The following CMKLR2 variants were observed in gnomAD, a reference collection of about 807,000 sequenced individuals.
CMKLR2 encodes chemerin-like receptor 2.
Under a neutral mutation model 23.0 loss-of-function variants are expected in CMKLR2, and 18 were observed. The observed-to-expected ratio is 0.78, with a 90% CI of 0.54 to 1.16. The LOEUF is 1.16. Ranked by LOEUF, CMKLR2 falls within the 50% of genes most tolerant of loss-of-function variation. CMKLR2 has a pLI of 0.00. For missense variants in CMKLR2, 401 were observed against 412.7 expected (o/e 0.97, Z 0.25); for synonymous variants, 158 against 158.9 (o/e 0.99, Z 0.05).
rs191663388 is a variant in CMKLR2 at position 206,193,789 on chromosome 2, C to T, written c.-28-16514G>A. ...CTGAGACTAGAATATTTAATCATGA[C>T]CTGAATTCTCTGCAGGCCAAGATAG... On this transcript the variant is annotated intron_variant, in intron 1 of 1. Transcript: ENST00000621141. Among the ~76,000 whole-genome samples, 308 of 152,244 alleles carry T rather than the reference C, an allele frequency of 2.0e-3. 1 individual carries two copies. The highest frequency in any genetic ancestry group is 6.9e-3 in the African/African-American group (286 of 41,538).
intron 1 of CMKLR2, among the ~76,000 whole-genome samples, chr2:206,184,298 C>T (rs1688504927): frequency 7.1e-6 from 1 of 140,484 alleles, no homozygotes. Flanking sequence ...CTCTCTCTCT[C>T]TCTTTTTTTT....
intron 1 of CMKLR2, among the ~76,000 whole-genome samples, chr2:206,177,859 G>T (rs114020014): frequency 2.1e-4 from 32 of 152,052 alleles, no homozygotes; most frequent in Non-Finnish European, 3.5e-4. Context: ...TCTTCAGTTC[G>T]TAATGCTTGT....
intron 1 of CMKLR2, among the ~76,000 whole-genome samples, chr2:206,206,917 C>CCTTTT (rs34198269): frequency 1.6e-5 from 2 of 126,140 alleles, no homozygotes; most frequent in African/African-American, 6.0e-5. Flanking sequence ...CCCCCTGCCC[C>CCTTTT]TTTTTTTTTT....
chr2:206,180,629 T>C (rs1450356935), intron 1 of CMKLR2, among the ~76,000 whole-genome samples: 1 of 151,894 alleles, frequency 6.6e-6, no homozygotes, highest in Non-Finnish European at 1.5e-5. Flanking sequence ...AGATGGGGTC[T>C]TGTTATGTTG....
At chr2:206,177,943 A>G (rs906409259) in intron 1 of CMKLR2, among the ~76,000 whole-genome samples, 4 of 152,168 alleles carry the variant, frequency 2.6e-5, no homozygotes, top group African/African-American at 9.7e-5. Flanking sequence ...GGCAGATGCA[A>G]AAGAAAACGG....
At chr2:206,179,556 C>T (rs962980446) in intron 1 of CMKLR2, among the ~76,000 whole-genome samples, 5 of 151,528 alleles carry the variant, frequency 3.3e-5, no homozygotes, top group African/African-American at 1.2e-4. Flanking sequence ...GTCTCGATCT[C>T]TTGACCTCGT....
In CMKLR2 at chr2:206,182,456, G is replaced by C. The variant is rs544925943; in HGVS notation, c.-28-5181C>G. Among the ~76,000 whole-genome samples, 14 of 152,196 alleles carry C rather than the reference G, an allele frequency of 9.2e-5. 1 individual carries two copies. Among genetic ancestry groups the C allele is most frequent in the Admixed American group, 2.6e-4 (4 of 15,282 alleles). On this transcript the variant is annotated intron_variant, in intron 1 of 1. Coordinates refer to ENST00000621141, the MANE Select transcript of CMKLR2 (RefSeq NM_001389445.1). ...TTTGAGAATAAGGACTGTCATGGCT[G>C]TACCCCCAGTGCCTTGTACACCTTA...
At chr2:206,181,933 A>AAG (rs549812596) in intron 1 of CMKLR2, among the ~76,000 whole-genome samples, 6 of 147,252 alleles carry the variant, frequency 4.1e-5, no homozygotes, top group African/African-American at 1.5e-4. Flanking sequence ...CCTGGGTAAC[A>AAG]AGAGCAAAAC....
chr2:206,204,065 A>C (rs774130699), intron 1 of CMKLR2: 1 of 152,246 alleles, frequency 6.6e-6, no homozygotes, highest in African/African-American at 2.4e-5. Flanking sequence ...TAAATGTGCA[A>C]TATCAGGCCG....
intron 1 of CMKLR2, among the ~76,000 whole-genome samples, chr2:206,186,735 T>C (rs1688591287): frequency 6.6e-6 from 1 of 151,938 alleles, no homozygotes; most frequent in Non-Finnish European, 1.5e-5. Context: ...TGAAGGAGGT[T>C]TTGCAGTTGA....
At chr2:206,208,199 G>A (rs1248133423) in intron 1 of CMKLR2, among the ~76,000 whole-genome samples, 2 of 152,158 alleles carry the variant, frequency 1.3e-5, no homozygotes, top group Admixed American at 6.5e-5. Flanking sequence ...GGTGCTCAAT[G>A]AATGTCTCGT....
In CMKLR2 at chr2:206,205,769, G is replaced by A. The variant is rs186391962; in HGVS notation, c.-29+7538C>T. On this transcript the variant is annotated intron_variant, in intron 1 of 1. Coordinates refer to ENST00000621141, the MANE Select transcript of CMKLR2 (RefSeq NM_001389445.1). The stretch of plus-strand genomic sequence containing the variant: ...GGCTGGAGTGCAATGGCGTGATCTC[G>A]GCTCCCCGCAACCTCCACCTCCCAG... 3.8e-3 allele frequency among the ~76,000 whole-genome samples: 578 copies of A among 151,778 alleles called. 1 individual carries two copies. The highest frequency in any genetic ancestry group is 0.013 in the African/African-American group (535 of 41,386).
chr2:206,192,579 T>C (rs934173851), intron 1 of CMKLR2, among the ~76,000 whole-genome samples: 1 of 151,716 alleles, frequency 6.6e-6, no homozygotes, highest in African/African-American at 2.4e-5. Context: ...CTTGTTTACC[T>C]TTGCTATAAG....
chr2:206,205,729 C>T (rs1305807575), intron 1 of CMKLR2, among the ~76,000 whole-genome samples: 3 of 151,688 alleles, frequency 2.0e-5, no homozygotes, highest in Admixed American at 1.3e-4. Flanking sequence ...GATGGAGTTT[C>T]GCTCTTGTTG....
At chr2:206,200,658 C>A (rs1383972070) in intron 1 of CMKLR2, among the ~76,000 whole-genome samples, 1 of 152,174 alleles carries the variant, frequency 6.6e-6, no homozygotes, top group African/African-American at 2.4e-5. Flanking sequence ...GAGATGGGAT[C>A]TTGCTATGTT....
chr2:206,205,731 C>T (rs1689290396), intron 1 of CMKLR2, among the ~76,000 whole-genome samples: 1 of 151,762 alleles, frequency 6.6e-6, no homozygotes, highest in Non-Finnish European at 1.5e-5. Context: ...TGGAGTTTCG[C>T]TCTTGTTGCC....
At chr2:206,217,090 T>C (rs1372423465), upstream of CMKLR2, among the ~76,000 whole-genome samples, 3 of 152,106 alleles carry the variant, frequency 2.0e-5, no homozygotes, top group East Asian at 5.8e-4. Context: ...TTTGTTGTTG[T>C]TTGAAAAAAA....
chr2:206,185,446 A>T (rs1489975698), intron 1 of CMKLR2, among the ~76,000 whole-genome samples: 1 of 152,220 alleles, frequency 6.6e-6, no homozygotes, highest in Non-Finnish European at 1.5e-5. Context: ...TAGAAGCAAT[A>T]AGGATGCCAG....
intron 1 of CMKLR2, among the ~76,000 whole-genome samples, chr2:206,206,965 C>T (rs551790145): frequency 3.1e-4 from 40 of 129,344 alleles, no homozygotes; most frequent in Non-Finnish European, 5.3e-4. Flanking sequence ...ATGTTGAGGA[C>T]GTAGAAAAGC....
Sources: allele counts gnomAD v4.1 joint callset (sites outside exome capture counted in the v4.1 genomes callset), GRCh38; gene constraint gnomAD v4.1.1; transcripts MANE v1.5; gene names NCBI Gene and HGNC (gene_info 2026-07-23, HGNC 2026-07-21).